The following NCK2 variants were observed in gnomAD, a reference collection of about 807,000 sequenced individuals.
NCK2 encodes the protein cytoplasmic protein NCK2.
A neutral mutation model predicts 33.9 loss-of-function variants in NCK2; 16 were observed. The ratio of observed to expected loss-of-function variants is 0.47; its 90% CI spans 0.32 to 0.72. NCK2 has a LOEUF of 0.72. NCK2 is among the 30% of genes least tolerant of loss of function. NCK2 has a pLI of 0.03. For missense variants in NCK2, 418 were observed against 537.3 expected, an observed-to-expected ratio of 0.78 and a Z score of 2.19; for synonymous variants, 273 against 239.9, an observed-to-expected ratio of 1.14 and a Z score of -1.27.
intron 3 of NCK2, among the ~76,000 whole-genome samples, chr2:105,864,181 G>A (rs1395217232): frequency 1.3e-5 from 2 of 152,070 alleles, no homozygotes; most frequent in Admixed American, 6.5e-5. Flanking sequence ...TTAAGGGGGA[G>A]ATGAGTGCTG....
At chr2:105,780,325 TACACACACACACACAC>T (rs57857814) in intron 1 of NCK2, among the ~76,000 whole-genome samples, 3,674 of 147,462 alleles carry the variant, frequency 0.025, 68 homozygotes, top group African/African-American at 0.025. Context: ...GAGAGATATA[TACACACACACACACAC>T]ACACACACAC....
At chr2:105,747,377 G>A (rs1356678497) in intron 1 of NCK2, among the ~76,000 whole-genome samples, 3 of 152,152 alleles carry the variant, frequency 2.0e-5, no homozygotes, top group African/African-American at 7.2e-5. Context: ...CCGGAATGGC[G>A]CAGAATGCAC....
chr2:105,779,302 G>A (rs529537702), intron 1 of NCK2, among the ~76,000 whole-genome samples: 67 of 72,248 alleles, frequency 9.3e-4, no homozygotes, highest in Non-Finnish European at 1.4e-3. Flanking sequence ...GCGAGACTCC[G>A]TCTCAAAAAA....
intron 2 of NCK2, among the ~76,000 whole-genome samples, chr2:105,824,452 G>T (rs555376847): frequency 1.8e-4 from 28 of 152,326 alleles, no homozygotes; most frequent in African/African-American, 6.0e-4. Context: ...CTTGGGAAAG[G>T]CAGGGATCCC....
intron 3 of NCK2, among the ~76,000 whole-genome samples, chr2:105,862,946 GCCT>G (rs2104606734): frequency 6.6e-6 from 1 of 151,878 alleles, no homozygotes; most frequent in Admixed American, 6.5e-5. Flanking sequence ...TTTGGCATAA[GCCT>G]TTAAGAGGCC....
chr2:105,833,143 G>A (rs927515339), intron 2 of NCK2, among the ~76,000 whole-genome samples: 3 of 151,402 alleles, frequency 2.0e-5, no homozygotes, highest in Non-Finnish European at 2.9e-5. Flanking sequence ...TGCCCAGGCT[G>A]GAGTGTAGTG....
chr2:105,849,759 C>T (rs146018354), intron 2 of NCK2, among the ~76,000 whole-genome samples: 19 of 152,276 alleles, frequency 1.2e-4, no homozygotes, highest in African/African-American at 4.3e-4. Context: ...CTGCAAGGAA[C>T]CTGGTGCTTA....
intron 1 of NCK2, among the ~76,000 whole-genome samples, chr2:105,790,213 T>C (rs1322471710): frequency 6.6e-6 from 1 of 152,210 alleles, no homozygotes; most frequent in Non-Finnish European, 1.5e-5. Context: ...CCGTTAGAAA[T>C]AGTGTGCATG....
chr2:105,768,668 T>C lies in NCK2; in HGVS notation c.-201+23530T>C, dbSNP rs140420866. 5.9e-5 allele frequency among the ~76,000 whole-genome samples: 9 copies of C among 152,096 alleles called. No individual in the cohort carries two copies. The East Asian group carries it at 1.7e-3, about 29-fold the overall frequency. ...TTAAACTTTCTTAAAACATGATGAG[T>C]TTTTTTTGAAATTTTCTTTTTCTCA... On this transcript the variant is annotated intron_variant, in intron 1 of 4. Coordinates refer to ENST00000233154, the MANE Select transcript of NCK2 (RefSeq NM_003581.5).
intron 4 of NCK2, among the ~76,000 whole-genome samples, chr2:105,890,927 T>TGGACCC (rs1265118392): frequency 6.6e-6 from 1 of 152,260 alleles, no homozygotes; most frequent in Non-Finnish European, 1.5e-5. Context: ...GCTGAGCTGC[T>TGGACCC]GGACCCTCAG....
intron 2 of NCK2, among the ~76,000 whole-genome samples, chr2:105,845,631 T>C (rs1676828703): frequency 6.6e-6 from 1 of 152,250 alleles, no homozygotes; most frequent in Admixed American, 6.5e-5. Flanking sequence ...TGACCTCAGA[T>C]GATCCACCCA....
intron 1 of NCK2, among the ~76,000 whole-genome samples, chr2:105,792,830 G>A (rs934893570): frequency 7.2e-5 from 11 of 152,182 alleles, no homozygotes; most frequent in South Asian, 2.1e-4. Flanking sequence ...CTGGATGGCC[G>A]TGGCCTCCAC....
intron 1 of NCK2, among the ~76,000 whole-genome samples, chr2:105,760,674 T>C (rs563390871): frequency 1.6e-4 from 25 of 151,954 alleles, no homozygotes; most frequent in Admixed American, 3.9e-4. Context: ...GGGCCCAGAG[T>C]TCCAGTGAAG....
At chr2:105,765,786 GGTGTGTGTGTGT>G (rs56917992) in intron 1 of NCK2, among the ~76,000 whole-genome samples, 1 of 147,220 alleles carries the variant, frequency 6.8e-6, no homozygotes, top group African/African-American at 2.5e-5. Flanking sequence ...TAGAATAGGG[GGTGTGTGTGTGT>G]GTGTGTGTGT....
Position 105,893,530 on chromosome 2 carries a change from G to A in NCK2, c.*354G>A. 3.9e-6 allele frequency: 1 copy of A among 254,900 alleles called. No homozygotes were observed. The highest frequency in any genetic ancestry group is 4.5e-5 in the Admixed American group (1 of 22,242). The allele number at this position is 254,900 out of a possible 1,614,324, so 15.8% of individuals were successfully genotyped here. ...GGAGCGAGCCTAAGGCCACCCAGCG[G>A]CAGCGCCCGTGTCCTGGGCACTCAG... is the stretch of plus-strand genomic sequence containing the variant. On this transcript the variant is annotated 3_prime_UTR_variant, in exon 5 of 5. Transcript: ENST00000233154.
upstream of NCK2, among the ~76,000 whole-genome samples, chr2:105,744,644 A>G (rs1010147907): frequency 6.6e-6 from 1 of 151,700 alleles, no homozygotes; most frequent in African/African-American, 2.4e-5. Flanking sequence ...CTGCGCCTCC[A>G]GAGCGGAGCG....
chr2:105,760,959 T>C (rs1689747193), intron 1 of NCK2, among the ~76,000 whole-genome samples: 1 of 152,216 alleles, frequency 6.6e-6, no homozygotes, highest in Non-Finnish European at 1.5e-5. Context: ...GGGAGGGCAG[T>C]GGCCTGAAGA....
intron 2 of NCK2, among the ~76,000 whole-genome samples, chr2:105,820,055 C>T (rs1011907239): frequency 2.0e-5 from 3 of 152,178 alleles, no homozygotes; most frequent in Admixed American, 6.5e-5. Flanking sequence ...AGGCAGGGAT[C>T]AACTGACCCT....
chr2:105,751,635 T>A (rs961790546), intron 1 of NCK2, among the ~76,000 whole-genome samples: 4 of 152,216 alleles, frequency 2.6e-5, no homozygotes, highest in Admixed American at 2.0e-4. Context: ...AATCAGTTTG[T>A]TTTTAAAGAC....
Sources: gnomAD v4.1 joint callset for allele counts (sites outside exome capture counted in the v4.1 genomes callset) on GRCh38, gnomAD v4.1.1 for gene constraint, MANE v1.5 for transcripts, NCBI Gene and HGNC (gene_info 2026-07-23, HGNC 2026-07-21) for gene names.